The following SARDH variants were observed in gnomAD, a reference collection of about 807,000 sequenced individuals.
SARDH encodes sarcosine dehydrogenase, mitochondrial.
A neutral mutation model predicts 109.1 loss-of-function variants in SARDH; 95 were observed. That is an observed-to-expected ratio of 0.87 (90% CI 0.74 to 1.03). SARDH has a LOEUF of 1.03. Ranked by LOEUF, SARDH falls within the 50% of genes least tolerant of loss-of-function variation. The pLI is 0.00. For synonymous variants in SARDH, 572 were observed against 534.8 expected (o/e 1.07, Z -0.96); for missense variants, 1,267 against 1,287.8 (o/e 0.98, Z 0.25).
At chr9:133,661,020 T>C (rs957249803), downstream of SARDH, among the ~76,000 whole-genome samples, 3 of 152,162 alleles carry the variant, frequency 2.0e-5, no homozygotes, top group Non-Finnish European at 2.9e-5. Context: ...CTGGGCAACA[T>C]AGTGAAATCC....
rs9409845 is a variant in SARDH at position 133,685,354 on chromosome 9, C to G, written c.2070-68G>C. On this transcript the variant is annotated intron_variant, in intron 16 of 20. Transcript: ENST00000439388. ...GGTGGGGCCTGGGCAGGAAAGGCCC[C>G]GGGGACCTGCCATGAGTGGGATAAG... is the stretch of plus-strand genomic sequence containing the variant. 2.7e-4 allele frequency: 349 copies of G among 1,311,280 alleles called. 2 individuals carry two copies. Among genetic ancestry groups the G allele is most frequent in the Middle Eastern group, 1.8e-3 (9 of 5,048 alleles). The allele number at this position is 1,311,280 out of a possible 1,614,324, so 81.2% of individuals were successfully genotyped here.
At chr9:133,705,156 C>T in intron 11 of SARDH, 125 bp from the exon 12 acceptor site, 1 of 876,048 alleles carries the variant, frequency 1.1e-6, no homozygotes, top group Non-Finnish European at 1.8e-6. Flanking sequence ...ACTCTTGGAA[C>T]CAGGCCTCCA....
chr9:133,699,358 T>C (rs953205609), intron 13 of SARDH, among the ~76,000 whole-genome samples: 2 of 151,944 alleles, frequency 1.3e-5, no homozygotes, highest in Admixed American at 1.3e-4. Flanking sequence ...AATACAAAAT[T>C]AGCTGGGCGT....
At chr9:133,723,648 A>G (rs1832398082) in intron 6 of SARDH, among the ~76,000 whole-genome samples, 1 of 152,232 alleles carries the variant, frequency 6.6e-6, no homozygotes. Flanking sequence ...CTGTAGTCCC[A>G]GCTACTCGGG....
Position 133,730,104 on chromosome 9 carries a change from C to G in SARDH, c.774G>C (p.Gln258His). The stretch of plus-strand genomic sequence containing the variant: ...CGCAGGGTGTCTGGATGGAACCATG[C>G]TGAGTCTCCACACCCGCGACCCGCC... ...GVRRVAGVET[Q>H]HGSIQTPCVV... is the part of the protein sequence containing the mutation. The change falls in exon 5 of 21, where the codon CAG (glutamine) becomes CAC (histidine). Residue 258 changes from glutamine (Q) to histidine (H), a missense_variant. By Grantham distance (24) the Gln-to-His change is conservative. Coordinates refer to ENST00000439388, the MANE Select transcript of SARDH (RefSeq NM_001134707.2). 6.2e-7 allele frequency: 1 copy of G among 1,614,234 alleles called. No homozygotes were observed. Among genetic ancestry groups the G allele is most frequent in the Non-Finnish European group, 8.5e-7 (1 of 1,180,042 alleles).
In SARDH at chr9:133,679,050, C is replaced by T. The variant is rs1013632522; in HGVS notation, c.2163+6143G>A. ...TTGCCCCAGACAGAAGCAGCAAACC[C>T]GGGTGGGGGTCGAAGCTTCCCACCA... On this transcript the variant is annotated intron_variant, in intron 17 of 20. Transcript: ENST00000439388. 2.6e-5 allele frequency among the ~76,000 whole-genome samples: 4 copies of T among 152,286 alleles called. No individual in the cohort carries two copies. The East Asian group carries it at 5.8e-4, about 22-fold the overall frequency.
intron 19 of SARDH, 42 bp downstream of exon 19, chr9:133,670,542 G>A (rs769332169): frequency 2.3e-4 from 363 of 1,547,114 alleles, no homozygotes; most frequent in Admixed American, 7.9e-5. Context: ...CCTGGCTGTA[G>A]GCAGTTGCTT....
intron 13 of SARDH, among the ~76,000 whole-genome samples, chr9:133,700,211 C>A (rs574996384): frequency 2.1e-4 from 32 of 152,256 alleles, no homozygotes; most frequent in African/African-American, 7.7e-4. Flanking sequence ...CCTGTAATCC[C>A]AGCTACTTGG....
intron 8 of SARDH, among the ~76,000 whole-genome samples, chr9:133,716,932 C>G (rs1392518409): frequency 6.6e-6 from 1 of 151,966 alleles, no homozygotes; most frequent in East Asian, 1.9e-4. Flanking sequence ...GGTCTCAGCC[C>G]TTCCATTCCT....
At position 133,712,848 on chromosome 9, in the gene SARDH, A is replaced by C. The variant is rs1650326527; in HGVS notation, c.1238-139T>G. ...CACCTGGGGTGCTGCACGCCTCCTG[A>C]TTGGACTGCTGCTGGACTGGACCCT... is the stretch of plus-strand genomic sequence containing the variant. On this transcript the variant is annotated intron_variant, in intron 9 of 20. Transcript: ENST00000439388. This position sits in a 1 kb window ranked among gnomAD's most constrained non-coding sequence, Gnocchi z 4.1. The C allele has an allele frequency of 1.1e-6, 1 of 942,614 alleles. No homozygotes were observed. Among genetic ancestry groups the C allele is most frequent in the East Asian group, 2.6e-5 (1 of 38,254 alleles). The allele number at this position is 942,614 out of a possible 1,614,324, so 58.4% of individuals were successfully genotyped here.
At chr9:133,681,793 G>A (rs1043114217) in intron 17 of SARDH, among the ~76,000 whole-genome samples, 8 of 152,174 alleles carry the variant, frequency 5.3e-5, no homozygotes, top group African/African-American at 1.4e-4. Flanking sequence ...GGTGCGCGGC[G>A]TGTTTCCCAG....
intron 15 of SARDH, among the ~76,000 whole-genome samples, chr9:133,691,831 T>A (rs1051589030): frequency 6.7e-6 from 1 of 149,698 alleles, no homozygotes; most frequent in Non-Finnish European, 1.5e-5. Context: ...CACATGGTGG[T>A]TTTCTCCTGT....
rs1365807217 is a variant in SARDH, at chr9:133,734,164, G to T, written c.10C>A (p.Leu4Met). The T allele has an allele frequency of 1.9e-6, 3 of 1,592,248 alleles. No individual in the cohort carries two copies. The Admixed American group carries it at 5.2e-5, about 27-fold the overall frequency. ...GCAGCCACACGTAGGGCTCGGCTCA[G>T]TGAGGCCATGGGGGCTCCAGGCCTC... MAS[L>M]SRALRVAAAH... The change falls in exon 2 of 21, where the codon CTG becomes ATG. Residue 4 changes from leucine to methionine, a missense_variant. Leu to Met is a conservative substitution (Grantham distance 15, BLOSUM62 2). Coordinates refer to ENST00000439388, the MANE Select transcript of SARDH (RefSeq NM_001134707.2).
chr9:133,718,864 C>T lies in SARDH; in HGVS notation c.1020+74G>A. The T allele has an allele frequency of 8.4e-7, 1 of 1,194,296 alleles. No individual in the cohort carries two copies. The highest frequency in any genetic ancestry group is 1.3e-6 in the Non-Finnish European group (1 of 798,462). 74.0% of individuals were successfully genotyped at this position (1,194,296 alleles called of 1,614,324 possible). A position where few individuals can be genotyped will look rare whatever the true frequency, so the allele number is the denominator to read the frequency against. On this transcript the variant is annotated intron_variant, in intron 7 of 20. Coordinates refer to ENST00000439388, the MANE Select transcript of SARDH (RefSeq NM_001134707.2). The surrounding 1 kb of genome is among the most constrained non-coding windows in gnomAD (Gnocchi z 4.2). ...TGAGGAGCTTCAGGAGGATGGACTTCCTGAAAGAGGCCCTCTCCATGCTGA... is the reference window on the plus strand; with the variant it reads ...TGAGGAGCTTCAGGAGGATGGACTTTCTGAAAGAGGCCCTCTCCATGCTGA...
intron 17 of SARDH, among the ~76,000 whole-genome samples, chr9:133,675,453 G>C (rs943910228): frequency 6.6e-6 from 1 of 152,148 alleles, no homozygotes; most frequent in African/African-American, 2.4e-5. Flanking sequence ...CTACCCATCA[G>C]AGGCACGCAA....
At chr9:133,719,136 G>C (rs549550479) in intron 6 of SARDH, 94 bp from the exon 7 acceptor site, 2 of 1,011,770 alleles carry the variant, frequency 2.0e-6, no homozygotes, top group Admixed American at 1.8e-5. Flanking sequence ...TCCACCCAGG[G>C]TCACGGGCTC....
intron 17 of SARDH, among the ~76,000 whole-genome samples, chr9:133,674,589 C>T (rs573615503): frequency 8.5e-5 from 13 of 152,272 alleles, no homozygotes; most frequent in Non-Finnish European, 1.5e-4. Context: ...TCAAATGAAC[C>T]GTCACGTATG....
In SARDH at chr9:133,727,249, G is replaced by A. The variant is rs571428339; in HGVS notation, c.915+2516C>T. ...GCCTGGGACAGATCCTCAGAAAAGG[G>A]AGGTCCTTGGGGCCACACAGCCCTC... On this transcript the variant is annotated intron_variant, in intron 6 of 20. Coordinates refer to ENST00000439388, the MANE Select transcript of SARDH (RefSeq NM_001134707.2). 3.9e-4 allele frequency among the ~76,000 whole-genome samples: 59 copies of A among 152,330 alleles called. No individual in the cohort carries two copies. In the South Asian group the frequency reaches 0.012, roughly 31 times the overall value.
intron 16 of SARDH, among the ~76,000 whole-genome samples, chr9:133,688,311 C>T (rs1428584160): frequency 1.3e-5 from 2 of 152,170 alleles, no homozygotes; most frequent in Non-Finnish European, 2.9e-5. Flanking sequence ...TCATCATGCA[C>T]GCGGAAGCTG....
Sources: allele counts gnomAD v4.1 joint callset (sites outside exome capture counted in the v4.1 genomes callset), GRCh38; gene constraint gnomAD v4.1.1; non-coding constraint Gnocchi (gnomAD v3.1); transcripts MANE v1.5; gene names NCBI Gene and HGNC (gene_info 2026-07-23, HGNC 2026-07-21).